IVD: variants seen among roughly 807,000 people sequenced by gnomAD.
IVD encodes isovaleryl-CoA dehydrogenase, mitochondrial.
Under a neutral mutation model 51.3 loss-of-function variants are expected in IVD, and 31 were observed. The ratio of observed to expected loss-of-function variants is 0.60; its 90% CI spans 0.45 to 0.81. IVD has a LOEUF of 0.81. Among genes scored for constraint, IVD ranks in the 40% least tolerant of loss-of-function variants. The pLI, the probability that IVD is intolerant of heterozygous loss-of-function variation, is 0.00. For missense variants in IVD, 475 were observed against 552.0 expected (o/e 0.86, Z 1.40); for synonymous variants, 205 against 219.4 (o/e 0.93, Z 0.58).
At chr15:40,414,613 C>T in intron 7 of IVD, 1 of 410,298 alleles carries the variant, frequency 2.4e-6, no homozygotes, top group Middle Eastern at 7.8e-4. Flanking sequence ...TTTCTTCTTT[C>T]CCATCCAAGG....
chr15:40,428,393 G>C (rs776928315), downstream of IVD, among the ~76,000 whole-genome samples: 31 of 152,030 alleles, frequency 2.0e-4, no homozygotes, highest in Non-Finnish European at 3.5e-4. Context: ...CAGGTACCCC[G>C]GGCAAAGTAT....
chr15:40,408,721 C>T (rs987728536), intron 3 of IVD, among the ~76,000 whole-genome samples: 1 of 152,088 alleles, frequency 6.6e-6, no homozygotes, highest in African/African-American at 2.4e-5. Flanking sequence ...GAGGCCGAGG[C>T]AGGTGGATCA....
At chr15:40,410,575 C>A (rs1890953835) in intron 3 of IVD, 53 bp from the exon 4 acceptor site, 1 of 1,598,834 alleles carries the variant, frequency 6.3e-7, no homozygotes, top group Non-Finnish European at 8.6e-7. Flanking sequence ...TAATGAATGT[C>A]CCGATTTAAT....
At chr15:40,413,712 A>C (rs143235545) in intron 7 of IVD, among the ~76,000 whole-genome samples, 2,047 of 151,036 alleles carry the variant, frequency 0.014, 44 homozygotes, top group African/African-American at 0.048. Context: ...TGTTTTGAGA[A>C]GGAGTCTTGG....
intron 7 of IVD, among the ~76,000 whole-genome samples, chr15:40,432,453 T>C (rs1223567328): frequency 6.6e-6 from 1 of 152,238 alleles, no homozygotes; most frequent in Non-Finnish European, 1.5e-5. Context: ...GGTGGCACCA[T>C]GGTTGGTTAA....
At chr15:40,410,588 G>C (rs1329816392) in intron 3 of IVD, 40 bp from the exon 4 acceptor site, 5 of 1,611,274 alleles carry the variant, frequency 3.1e-6, no homozygotes, top group Non-Finnish European at 4.2e-6. Context: ...GATTTAATCT[G>C]GGCTGCGTTT....
At chr15:40,427,322 T>G (rs1387743374), downstream of IVD, among the ~76,000 whole-genome samples, 1 of 152,252 alleles carries the variant, frequency 6.6e-6, no homozygotes, top group Non-Finnish European at 1.5e-5. Context: ...CACATGGACA[T>G]GCATACGTCT....
downstream of IVD, among the ~76,000 whole-genome samples, chr15:40,428,806 A>G (rs1207837463): frequency 2.0e-5 from 3 of 152,114 alleles, no homozygotes; most frequent in Admixed American, 2.0e-4. Flanking sequence ...GCAACAAGAC[A>G]ATCTCTCTGT....
At chr15:40,411,734 G>GA in intron 6 of IVD, 43 bp downstream of exon 6, 1 of 1,607,984 alleles carries the variant, frequency 6.2e-7, no homozygotes. Context: ...TCTGCCTCCT[G>GA]ACAGTGGTAC....
At position 40,418,375 on chromosome 15, in the gene IVD, G is replaced by T. The variant is rs558721558; in HGVS notation, c.*112G>T. The T allele has an allele frequency of 1.0e-4, 166 of 1,594,366 alleles. 2 individuals carry two copies. The South Asian group carries it at 1.2e-3, about 12-fold the overall frequency. On this transcript the variant is annotated 3_prime_UTR_variant, in exon 12 of 12. Transcript: ENST00000487418. ...CAGGCCCTCCTGCCCAGCTGCTCTT[G>T]TCAGCCCTCTGGCCTCTGGATGAGG...
rs1223281323 is a variant in IVD at position 40,420,339 on chromosome 15, A to T, written c.*2076A>T. On this transcript the variant is annotated 3_prime_UTR_variant, in exon 12 of 12. Coordinates refer to ENST00000487418, the MANE Select transcript of IVD (RefSeq NM_002225.5). Reference sequence around the variant, plus strand: ...GAGCAGGCCGGAGTTGGCTCGCATGACTCCAGCTGAGGCTGCCTGTGTACA... The same window carrying T: ...GAGCAGGCCGGAGTTGGCTCGCATGTCTCCAGCTGAGGCTGCCTGTGTACA... The T allele has an allele frequency of 2.0e-6, 2 of 987,448 alleles. No homozygotes were observed. Among genetic ancestry groups the T allele is most frequent in the Non-Finnish European group, 2.4e-6 (2 of 830,130 alleles). The allele number at this position is 987,448 out of a possible 1,614,324, so 61.2% of individuals were successfully genotyped here. A position where few individuals can be genotyped will look rare whatever the true frequency, so the allele number is the denominator to read the frequency against.
At chr15:40,406,023 C>T (rs772552428) in intron 1 of IVD, 52 bp downstream of exon 1, 11 of 1,553,016 alleles carry the variant, frequency 7.1e-6, no homozygotes, top group South Asian at 3.5e-5. Flanking sequence ...CTGCCTGGTC[C>T]CCAAGGCCTC....
At chr15:40,428,661 C>T (rs1892802952), downstream of IVD, among the ~76,000 whole-genome samples, 1 of 152,198 alleles carries the variant, frequency 6.6e-6, no homozygotes, top group African/African-American at 2.4e-5. Flanking sequence ...TTTTTCTGCC[C>T]TCCCACCTGA....
downstream of IVD, among the ~76,000 whole-genome samples, chr15:40,429,384 G>A (rs1363403808): frequency 2.6e-5 from 4 of 152,130 alleles, no homozygotes; most frequent in Admixed American, 6.5e-5. Context: ...GTAACAGTAC[G>A]GGGCCAAAAA....
chr15:40,414,961 T>A lies in IVD; in HGVS notation c.857T>A (p.Val286Glu), dbSNP rs199656461. 1 of 1,609,588 alleles carries A rather than the reference T, an allele frequency of 6.2e-7. No individual in the cohort carries two copies. Among genetic ancestry groups the A allele is most frequent in the Non-Finnish European group, 8.5e-7 (1 of 1,178,768 alleles). ...LMSGLDLERL[V>E]LAGGPLGLMQ... ...AGTGGGCTGGACCTGGAGCGGCTGG[T>A]GCTGGCCGGGGGGCCTCTTGGGTAA... Residue 286 changes from valine (V) to glutamate (E), a missense_variant, in exon 8 of 12, where the codon GTG becomes GAG. Transcript: ENST00000487418.
Position 40,415,069 on chromosome 15 carries a change from C to CG in IVD, c.878+91dup, listed in dbSNP as rs1201742151. On this transcript the variant is annotated intron_variant, in intron 8 of 11. Coordinates refer to ENST00000487418, the MANE Select transcript of IVD (RefSeq NM_002225.5). ...ATGAGCAGCAGCAGCCTTCCCCTTG[C>CG]GGGGCCAAAGGGAGCTGCCTCTTGG... is the stretch of plus-strand genomic sequence containing the variant. 7 of 1,502,616 alleles carry CG rather than the reference C, an allele frequency of 4.7e-6. No individual in the cohort carries two copies. The African/African-American group carries it at 9.6e-5, about 21-fold the overall frequency. The allele number at this position is 1,502,616 out of a possible 1,614,324, so 93.1% of individuals were successfully genotyped here.
chr15:40,406,146 G>C (rs1208035430), intron 1 of IVD, 175 bp downstream of exon 1: 1 of 1,539,104 alleles, frequency 6.5e-7, no homozygotes, highest in African/African-American at 1.4e-5. Context: ...CTCGGGTCCA[G>C]TCCTCTGACC....
chr15:40,411,459 C>G, intron 5 of IVD, 96 bp from the exon 6 acceptor site: 1 of 1,603,770 alleles, frequency 6.2e-7, no homozygotes, highest in African/African-American at 1.3e-5. Flanking sequence ...CCAGAACTTT[C>G]TCAAAGGTGG....
At chr15:40,411,490 AGGTCTAT>A in intron 5 of IVD, 58 bp from the exon 6 acceptor site, 1 of 1,611,082 alleles carries the variant, frequency 6.2e-7, no homozygotes, top group Non-Finnish European at 8.5e-7. Flanking sequence ...GCTCAGCAGA[AGGTCTAT>A]GGCCTGGCTG....
Sources: gnomAD v4.1 joint callset for allele counts (sites outside exome capture counted in the v4.1 genomes callset) on GRCh38, gnomAD v4.1.1 for gene constraint, MANE v1.5 for transcripts, NCBI Gene and HGNC (gene_info 2026-07-23, HGNC 2026-07-21) for gene names.